DNM3: variants seen among roughly 807,000 people sequenced by gnomAD.
DNM3 encodes dynamin-3.
In DNM3, 47 loss-of-function variants were observed where a neutral mutation model predicts 101.6. The ratio of observed to expected loss-of-function variants is 0.46; its 90% confidence interval spans 0.37 to 0.59. The LOEUF is 0.59. Ranked by LOEUF, DNM3 falls within the 20% of genes least tolerant of loss-of-function variation. The pLI, the probability that DNM3 is intolerant of heterozygous loss-of-function variation, is 0.00. For synonymous variants in DNM3, 385 were observed against 387.9 expected (o/e 0.99, Z 0.09); for missense variants, 849 against 1,085.7 (o/e 0.78, Z 3.06).
intron 14 of DNM3, among the ~76,000 whole-genome samples, chr1:172,192,908 G>C (rs2059789719): frequency 1.3e-5 from 2 of 150,948 alleles, no homozygotes; most frequent in Admixed American, 1.3e-4. Flanking sequence ...GGGATGGCTG[G>C]GTCAAATGGT....
intron 14 of DNM3, among the ~76,000 whole-genome samples, chr1:172,176,069 G>A (rs957561009): frequency 1.3e-5 from 2 of 151,822 alleles, no homozygotes; most frequent in African/African-American, 4.8e-5. Context: ...TATGGCAGAA[G>A]TGACTTTGCA....
chr1:172,319,066 C>T (rs1262517863), intron 16 of DNM3, among the ~76,000 whole-genome samples: 1 of 151,966 alleles, frequency 6.6e-6, no homozygotes, highest in Non-Finnish European at 1.5e-5. Flanking sequence ...CAGAACAGAG[C>T]CCTCAGAAAT....
At chr1:171,903,225 A>C (rs1450596451) in intron 1 of DNM3, among the ~76,000 whole-genome samples, 1 of 152,140 alleles carries the variant, frequency 6.6e-6, no homozygotes, top group Non-Finnish European at 1.5e-5. Context: ...TAGAAGCATA[A>C]GGAAAAATTC....
At chr1:172,305,597 A>C (rs888278467) in intron 15 of DNM3, among the ~76,000 whole-genome samples, 15 of 152,122 alleles carry the variant, frequency 9.9e-5, no homozygotes, top group Admixed American at 1.3e-4. Context: ...GAATTTTAGA[A>C]CAATATCCGT....
chr1:171,972,583 C>T (rs947411843), intron 2 of DNM3, among the ~76,000 whole-genome samples: 2 of 152,202 alleles, frequency 1.3e-5, no homozygotes, highest in Non-Finnish European at 2.9e-5. Context: ...GGCGCAGTGG[C>T]TTATGCCTGT....
intron 4 of DNM3, among the ~76,000 whole-genome samples, chr1:172,001,368 C>A (rs773098222): frequency 2.0e-5 from 3 of 151,992 alleles, no homozygotes; most frequent in Admixed American, 6.6e-5. Context: ...CTGAACCGTT[C>A]ACCCTTGAGA....
At chr1:172,096,721 G>A (rs990409599) in intron 13 of DNM3, among the ~76,000 whole-genome samples, 1 of 152,158 alleles carries the variant, frequency 6.6e-6, no homozygotes, top group Admixed American at 6.5e-5. Context: ...TAGGAAGGTG[G>A]ATAAAAGTGT....
chr1:172,412,573 T>C lies in DNM3; in HGVS notation c.*4732T>C, dbSNP rs890241071. 3.9e-5 allele frequency: 38 copies of C among 985,688 alleles called. No individual in the cohort carries two copies. Among genetic ancestry groups the C allele is most frequent in the Admixed American group, 6.1e-5 (1 of 16,274 alleles). The allele number at this position is 985,688 out of a possible 1,614,324, so 61.1% of individuals were successfully genotyped here. A position where few individuals can be genotyped will look rare whatever the true frequency, so the allele number is the denominator to read the frequency against. Reference sequence around the variant, plus strand: ...CTGTCTTCTTGGCACTTTCAGGATTTCTTAATGCTGATATATGGACTCTTA... The same window carrying C: ...CTGTCTTCTTGGCACTTTCAGGATTCCTTAATGCTGATATATGGACTCTTA... On this transcript the variant is annotated 3_prime_UTR_variant, in exon 21 of 21. Transcript: ENST00000627582.
chr1:172,164,542 G>C (rs1424909334), intron 14 of DNM3, among the ~76,000 whole-genome samples: 1 of 151,962 alleles, frequency 6.6e-6, no homozygotes, highest in Non-Finnish European at 1.5e-5. Flanking sequence ...TTCTCCTGAG[G>C]TGGTGAGGCA....
At chr1:172,005,124 T>A (rs1216507043) in intron 4 of DNM3, among the ~76,000 whole-genome samples, 2 of 152,080 alleles carry the variant, frequency 1.3e-5, no homozygotes, top group African/African-American at 4.8e-5. Flanking sequence ...CATTTACTAG[T>A]TGTGTGACCT....
chr1:172,128,976 A>G (rs1306641781), intron 13 of DNM3, among the ~76,000 whole-genome samples: 2 of 152,200 alleles, frequency 1.3e-5, no homozygotes, highest in African/African-American at 2.4e-5. Context: ...CAGGTACTAT[A>G]GTAAGATATC....
At chr1:172,062,081 A>T (rs1027302177) in intron 10 of DNM3, among the ~76,000 whole-genome samples, 1 of 152,176 alleles carries the variant, frequency 6.6e-6, no homozygotes, top group Non-Finnish European at 1.5e-5. Flanking sequence ...TCACCTTTTC[A>T]TCTTACAACT....
chr1:172,089,392 T>C (rs1002210019), intron 12 of DNM3, among the ~76,000 whole-genome samples: 1 of 152,206 alleles, frequency 6.6e-6, no homozygotes, highest in Non-Finnish European at 1.5e-5. Flanking sequence ...GTTAAGTAAC[T>C]ATATCCAAGA....
In DNM3 at chr1:172,279,478, C is replaced by T. The variant is rs115621610; in HGVS notation, c.1769+25796C>T. Among the ~76,000 whole-genome samples, 723 of 152,232 alleles carry T rather than the reference C, an allele frequency of 4.7e-3. 3 individuals carry two copies. Among genetic ancestry groups the T allele is most frequent in the African/African-American group, 0.016 (683 of 41,558 alleles). On this transcript the variant is annotated intron_variant, in intron 15 of 20. Transcript: ENST00000627582. ...TGAACACCTTAGTCACGAATTTTAT[C>T]GTGAAAATGTTAAGTGCGCTTGTTC...
intron 1 of DNM3, among the ~76,000 whole-genome samples, chr1:171,904,465 T>C (rs942562769): frequency 1.3e-5 from 2 of 152,188 alleles, no homozygotes; most frequent in Non-Finnish European, 2.9e-5. Flanking sequence ...GGAAGGTAAA[T>C]AGGCTCTTGG....
At chr1:172,413,032 T>C (rs1010124566), downstream of DNM3, among the ~76,000 whole-genome samples, 1 of 152,144 alleles carries the variant, frequency 6.6e-6, no homozygotes, top group African/African-American at 2.4e-5. Context: ...CCATGACAGT[T>C]TGCTGTTGAA....
At chr1:172,363,199 ATTC>A (rs920024017) in intron 17 of DNM3, among the ~76,000 whole-genome samples, 14 of 151,932 alleles carry the variant, frequency 9.2e-5, no homozygotes, top group East Asian at 1.9e-4. Context: ...AATGTTTTCT[ATTC>A]TTATGGCTCC....
intron 6 of DNM3, 97 bp from the exon 7 acceptor site, chr1:172,038,222 A>G: frequency 6.8e-7 from 1 of 1,473,492 alleles, no homozygotes; most frequent in South Asian, 1.3e-5. Flanking sequence ...GAATTATTAG[A>G]AAAACAATGG....
At chr1:171,887,200 G>T (rs1395770274) in intron 1 of DNM3, among the ~76,000 whole-genome samples, 1 of 152,052 alleles carries the variant, frequency 6.6e-6, no homozygotes, top group Non-Finnish European at 1.5e-5. Context: ...AAGAATTATA[G>T]AAATAGAGGA....
Sources: gnomAD v4.1 joint callset for allele counts (sites outside exome capture counted in the v4.1 genomes callset) on GRCh38, gnomAD v4.1.1 for gene constraint, MANE v1.5 for transcripts, NCBI Gene and HGNC (gene_info 2026-07-23, HGNC 2026-07-21) for gene names.